The following SCN2A variants were observed in gnomAD, a reference collection of about 807,000 sequenced individuals.
SCN2A encodes the protein sodium channel protein type 2 subunit alpha.
SCN2A carries 20 observed loss-of-function variants against 188.7 expected under a neutral mutation model. That is an observed-to-expected ratio of 0.11 (90% CI 0.07 to 0.15). The LOEUF (loss-of-function observed/expected upper bound fraction) is 0.15, where lower values mean the gene tolerates loss of function less well. Among genes scored for constraint, SCN2A ranks in the 10% least tolerant of loss-of-function variants. The pLI is 1.00. For missense variants in SCN2A, 1,278 were observed against 2,445.0 expected, an observed-to-expected ratio of 0.52 and a Z score of 10.07; for synonymous variants, 804 against 833.1, an observed-to-expected ratio of 0.97 and a Z score of 0.60.
rs1354374353 is a variant in SCN2A at position 165,389,262 on chromosome 2, C to T, written c.5456C>T (p.Ser1819Phe). Residue 1819 changes from serine (S) to phenylalanine (F), a missense_variant, in exon 27 of 27, where the codon TCT becomes TTT. By Grantham distance (155) the Ser-to-Phe change is radical. Around this residue, in one of 17 missense-constraint regions of SCN2A, gnomAD observed 54 missense variants for 135.4 expected, o/e 0.40. Transcript: ENST00000375437. The surrounding 1 kb of genome is among the most constrained non-coding windows in gnomAD (Gnocchi z 4.2). ...ATQFIEFAKL[S>F]DFADALDPPL... ...CAGTTTATAGAGTTTGCCAAACTTT[C>T]TGATTTTGCAGATGCCCTGGATCCT... 6.2e-7 allele frequency: 1 copy of T among 1,614,050 alleles called. No homozygotes were observed.
At chr2:165,375,126 A>G (rs190030016) in intron 22 of SCN2A, among the ~76,000 whole-genome samples, 160 bp downstream of exon 22, 1 of 152,178 alleles carries the variant, frequency 6.6e-6, no homozygotes, top group East Asian at 1.9e-4. Context: ...ACCCTTGTAC[A>G]TTGTTGGCAG....
intron 1 of SCN2A, among the ~76,000 whole-genome samples, chr2:165,242,797 G>A (rs950569469): frequency 1.3e-5 from 2 of 152,188 alleles, no homozygotes; most frequent in East Asian, 1.9e-4. Context: ...GAGACAGAAG[G>A]AAGGTTTGAA....
intron 17 of SCN2A, among the ~76,000 whole-genome samples, chr2:165,364,040 CAAATAT>C (rs1700597120): frequency 6.6e-6 from 1 of 152,012 alleles, no homozygotes; most frequent in South Asian, 2.1e-4. Context: ...ATCCTATGCC[CAAATAT>C]AAATATAACA....
chr2:165,242,683 T>G (rs1333699289), intron 1 of SCN2A, among the ~76,000 whole-genome samples: 1 of 152,156 alleles, frequency 6.6e-6, no homozygotes, highest in Non-Finnish European at 1.5e-5. Context: ...AAATTTAACT[T>G]TAGTGCAGAT....
At chr2:165,338,215 G>A (rs1329536297) in intron 14 of SCN2A, among the ~76,000 whole-genome samples, 1 of 151,904 alleles carries the variant, frequency 6.6e-6, no homozygotes, top group African/African-American at 2.4e-5. Flanking sequence ...TGTTTAAAGT[G>A]GGGATTTATA....
chr2:165,295,721 A>C (rs1339386211), intron 1 of SCN2A, 52 bp from the exon 2 acceptor site: 5 of 1,552,700 alleles, frequency 3.2e-6, no homozygotes, highest in Non-Finnish European at 4.4e-6. Flanking sequence ...AACTGACACA[A>C]TCACCTTTTA....
At chr2:165,312,417 C>A (rs1697487156) in intron 8 of SCN2A, among the ~76,000 whole-genome samples, 1 of 152,010 alleles carries the variant, frequency 6.6e-6, no homozygotes, top group Admixed American at 6.6e-5. Context: ...TTTATATATA[C>A]TAATGTGTTC....
intron 1 of SCN2A, among the ~76,000 whole-genome samples, chr2:165,279,039 G>T (rs1695472774): frequency 6.6e-6 from 1 of 152,170 alleles, no homozygotes; most frequent in Non-Finnish European, 1.5e-5. Flanking sequence ...TTCTTTACAT[G>T]CCAGGAAGAG....
chr2:165,257,081 G>A (rs552829356), intron 1 of SCN2A, among the ~76,000 whole-genome samples: 48 of 152,114 alleles, frequency 3.2e-4, no homozygotes, highest in Non-Finnish European at 5.1e-4. Context: ...GACCAACCAT[G>A]GGAACTGACG....
At chr2:165,256,007 T>C (rs1574447310) in intron 1 of SCN2A, among the ~76,000 whole-genome samples, 1 of 140,812 alleles carries the variant, frequency 7.1e-6, no homozygotes, top group Admixed American at 7.1e-5. Flanking sequence ...TTTCTTTTTT[T>C]TTTTTTTTTT....
chr2:165,290,775 G>A, intron 1 of SCN2A: 1 of 985,230 alleles, frequency 1.0e-6, no homozygotes, highest in African/African-American at 1.7e-5. Flanking sequence ...TTACTATGGG[G>A]AAGGAATCTT....
intron 3 of SCN2A, among the ~76,000 whole-genome samples, chr2:165,307,297 C>T (rs760057360): frequency 1.3e-5 from 2 of 152,064 alleles, no homozygotes; most frequent in Non-Finnish European, 2.9e-5. Flanking sequence ...GTAATTTTGC[C>T]TTAGTTACAA....
chr2:165,389,418 A>G lies in SCN2A; in HGVS notation c.5612A>G (p.Glu1871Gly). The change falls in exon 27 of 27, where the codon GAG (glutamate) becomes GGG (glycine). Residue 1871 changes from glutamate to glycine, a missense_variant. By Grantham distance (98) the Glu-to-Gly change is moderately conservative. Coordinates refer to ENST00000375437, the MANE Select transcript of SCN2A (RefSeq NM_001040142.2). This position sits in a 1 kb window ranked among gnomAD's most constrained non-coding sequence, Gnocchi z 4.2. ...AAGCGTGTTTTGGGTGAGAGTGGAG[A>G]GATGGATGCCCTTCGAATACAGATG... ...FTKRVLGESGEMDALRIQMEE... is the reference protein window; with the variant it reads ...FTKRVLGESGGMDALRIQMEE... 1 of 1,613,920 alleles carries G rather than the reference A, an allele frequency of 6.2e-7. No homozygotes were observed. Among genetic ancestry groups the G allele is most frequent in the Middle Eastern group, 1.7e-4 (1 of 6,056 alleles).
At chr2:165,319,364 G>A (rs890818342) in intron 11 of SCN2A, among the ~76,000 whole-genome samples, 1 of 151,952 alleles carries the variant, frequency 6.6e-6, no homozygotes, top group South Asian at 2.1e-4. Context: ...AAAAAAAGAA[G>A]TGGTTCTTAC....
intron 1 of SCN2A, among the ~76,000 whole-genome samples, chr2:165,257,454 A>T (rs1333355240): frequency 6.6e-6 from 1 of 152,084 alleles, no homozygotes; most frequent in African/African-American, 2.4e-5. Context: ...TTTTAATCAT[A>T]GCCATTCTGA....
chr2:165,350,355 G>T (rs559181974), intron 16 of SCN2A, among the ~76,000 whole-genome samples: 115 of 151,856 alleles, frequency 7.6e-4, no homozygotes, highest in Non-Finnish European at 1.3e-3. Flanking sequence ...ATTCCAAGAG[G>T]CTAATTTGAG....
rs1425718086 is a variant in SCN2A, at chr2:165,389,028, C to T, written c.5222C>T (p.Ser1741Leu). ...CDPDKDHPGS[S>L]VKGDCGNPSV... ...CCTGACAAAGATCACCCTGGAAGCT[C>T]AGTTAAAGGAGACTGTGGGAACCCA... is the stretch of plus-strand genomic sequence containing the variant. The change falls in exon 27 of 27, where the codon TCA (serine) becomes TTA (leucine). Residue 1741 changes from serine to leucine, a missense_variant. Ser to Leu is a moderately radical substitution (Grantham distance 145). Transcript: ENST00000375437. This position sits in a 1 kb window ranked among gnomAD's most constrained non-coding sequence, Gnocchi z 4.2. 6.2e-7 allele frequency: 1 copy of T among 1,614,092 alleles called. No individual in the cohort carries two copies. Among genetic ancestry groups the T allele is most frequent in the Non-Finnish European group, 8.5e-7 (1 of 1,179,998 alleles).
chr2:165,304,829 G>A (rs1697029987), intron 3 of SCN2A, among the ~76,000 whole-genome samples: 1 of 152,106 alleles, frequency 6.6e-6, no homozygotes, highest in Admixed American at 6.6e-5. Context: ...AAGTAGACAG[G>A]GATCAGACCT....
At chr2:165,321,306 A>G (rs915073036) in intron 11 of SCN2A, among the ~76,000 whole-genome samples, 4 of 152,190 alleles carry the variant, frequency 2.6e-5, no homozygotes, top group African/African-American at 4.8e-5. Flanking sequence ...AAGCCATTCA[A>G]TAAGTCTCTA....
Sources: gnomAD v4.1 joint callset for allele counts (sites outside exome capture counted in the v4.1 genomes callset) on GRCh38, gnomAD v4.1.1 for gene constraint, gnomAD v4.1.1 regional missense constraint, Gnocchi (gnomAD v3.1) non-coding constraint, MANE v1.5 for transcripts, NCBI Gene and HGNC (gene_info 2026-07-23, HGNC 2026-07-21) for gene names.